CNTLN: variants seen among roughly 807,000 people sequenced by gnomAD.
CNTLN encodes centlein, also known as centlein, centrosomal protein.
Under a neutral mutation model 180.0 loss-of-function variants are expected in CNTLN, and 212 were observed. The ratio of observed to expected loss-of-function variants is 1.18; its 90% CI spans 1.05 to 1.32. CNTLN has a LOEUF of 1.32. CNTLN is among the 40% of genes most tolerant of loss of function. The pLI is 0.00. For synonymous variants in CNTLN, 722 were observed against 563.1 expected, an observed-to-expected ratio of 1.28 and a Z score of -3.99; for missense variants, 2,095 against 1,610.9, an observed-to-expected ratio of 1.30 and a Z score of -5.14.
At chr9:17,319,542 TA>T (rs1174894295) in intron 8 of CNTLN, among the ~76,000 whole-genome samples, 2 of 152,178 alleles carry the variant, frequency 1.3e-5, no homozygotes, top group Non-Finnish European at 2.9e-5. Context: ...GAGTAATGGA[TA>T]AAAACATAGA....
intron 6 of CNTLN, among the ~76,000 whole-genome samples, chr9:17,290,594 G>A (rs1326037721): frequency 2.1e-5 from 3 of 141,016 alleles, no homozygotes; most frequent in African/African-American, 7.7e-5. Flanking sequence ...AATGGCGGGC[G>A]CCCCTCCCCC....
chr9:17,287,421 C>G (rs368412977), intron 6 of CNTLN, among the ~76,000 whole-genome samples: 15 of 151,182 alleles, frequency 9.9e-5, no homozygotes, highest in South Asian at 6.3e-4. Context: ...GTATTTTATT[C>G]AGGATTTTTG....
intron 12 of CNTLN, among the ~76,000 whole-genome samples, chr9:17,357,820 T>C (rs1407967562): frequency 6.6e-6 from 1 of 151,552 alleles, no homozygotes; most frequent in African/African-American, 2.4e-5. Context: ...AACATCTGAA[T>C]TGAATGCTAA....
intron 2 of CNTLN, among the ~76,000 whole-genome samples, chr9:17,210,759 A>G (rs1045711249): frequency 2.0e-5 from 3 of 152,174 alleles, no homozygotes; most frequent in Non-Finnish European, 2.9e-5. Context: ...AACTGGTGTG[A>G]GATGGTATCT....
intron 10 of CNTLN, among the ~76,000 whole-genome samples, chr9:17,338,208 G>A (rs1821189076): frequency 6.8e-6 from 1 of 146,942 alleles, no homozygotes; most frequent in African/African-American, 2.5e-5. Flanking sequence ...CGCCCAAGCT[G>A]TAGTACAGTG....
chr9:17,402,024 T>C (rs1827017750), intron 15 of CNTLN, among the ~76,000 whole-genome samples: 1 of 151,722 alleles, frequency 6.6e-6, no homozygotes, highest in African/African-American at 2.4e-5. Context: ...CTTGAGGAGA[T>C]GACTCAGTGA....
chr9:17,182,975 C>G (rs1821215044), intron 2 of CNTLN, among the ~76,000 whole-genome samples: 3 of 152,150 alleles, frequency 2.0e-5, no homozygotes, highest in Non-Finnish European at 4.4e-5. Context: ...TGAAACAGGT[C>G]ATTAGTTGTT....
intron 2 of CNTLN, among the ~76,000 whole-genome samples, chr9:17,199,871 T>A (rs1032761727): frequency 6.6e-6 from 1 of 152,220 alleles, no homozygotes; most frequent in East Asian, 1.9e-4. Context: ...TTTTGACTTT[T>A]GTTGCAATTG....
chr9:17,305,283 T>C (rs1011578878), intron 7 of CNTLN, among the ~76,000 whole-genome samples: 2 of 152,144 alleles, frequency 1.3e-5, no homozygotes, highest in East Asian at 3.9e-4. Context: ...TGATTGATAC[T>C]TCTAAAGCAT....
chr9:17,270,766 A>G (rs1827876177), intron 5 of CNTLN, among the ~76,000 whole-genome samples: 1 of 152,034 alleles, frequency 6.6e-6, no homozygotes, highest in Non-Finnish European at 1.5e-5. Flanking sequence ...ATGTGTTGAT[A>G]TTTGTAACAT....
intron 10 of CNTLN, among the ~76,000 whole-genome samples, chr9:17,338,337 G>GTTTTTTTTTTTTTT (rs71331486): frequency 1.1e-4 from 11 of 100,434 alleles, no homozygotes; most frequent in East Asian, 3.3e-4. Context: ...GCTAATTTTT[G>GTTTTTTTTTTTTTT]TTTTTTTTTT....
intron 5 of CNTLN, among the ~76,000 whole-genome samples, chr9:17,259,356 G>T (rs1441978677): frequency 7.6e-6 from 1 of 130,972 alleles, no homozygotes; most frequent in African/African-American, 3.0e-5. Context: ...GCTTTTTGAT[G>T]TGCTGCTGGA....
At chr9:17,293,601 G>C (rs79901955) in intron 6 of CNTLN, among the ~76,000 whole-genome samples, 5,588 of 152,270 alleles carry the variant, frequency 0.037, 167 homozygotes, top group East Asian at 0.17. Context: ...AATTCCATCT[G>C]GGTCCAAACC....
intron 12 of CNTLN, among the ~76,000 whole-genome samples, chr9:17,357,273 T>TC (rs397750534): frequency 6.6e-6 from 1 of 151,838 alleles, no homozygotes; most frequent in African/African-American, 2.4e-5. Context: ...TTGGGTTTTT[T>TC]CCATGTTCCA....
rs544093694 is a variant in CNTLN, at chr9:17,268,069, G to A, written c.850-5664G>A. ...GTCATTCTCCATCCAGCTTTGTTCC[G>A]TTGCTGGTGAGGAGCTCTGTCCTTT... On this transcript the variant is annotated intron_variant, in intron 5 of 25. Coordinates refer to ENST00000380647, the MANE Select transcript of CNTLN (RefSeq NM_017738.4). Among the ~76,000 whole-genome samples, 14 of 152,162 alleles carry A rather than the reference G, an allele frequency of 9.2e-5. No individual in the cohort carries two copies. The East Asian group carries it at 9.7e-4, about 11-fold the overall frequency.
intron 23 of CNTLN, among the ~76,000 whole-genome samples, chr9:17,477,247 G>A (rs984147796): frequency 2.0e-5 from 3 of 152,184 alleles, no homozygotes; most frequent in African/African-American, 7.2e-5. Context: ...TCACCCAAGA[G>A]CTTTGATGGA....
chr9:17,191,571 G>T (rs1821788928), intron 2 of CNTLN, among the ~76,000 whole-genome samples: 1 of 152,088 alleles, frequency 6.6e-6, no homozygotes, highest in Non-Finnish European at 1.5e-5. Flanking sequence ...TCTGTATTTT[G>T]GAATAGAGAA....
rs1024183094 is a variant in CNTLN, at chr9:17,146,244, G to T, written c.449+2868G>T. Among the ~76,000 whole-genome samples the T allele has an allele frequency of 2.1e-4, 32 of 152,200 alleles. 1 individual carries two copies. The highest frequency in any genetic ancestry group is 5.5e-4 in the African/African-American group (23 of 41,528). On this transcript the variant is annotated intron_variant, in intron 2 of 25. Transcript: ENST00000380647. ...ATTGTATTCTTTGTTTTAGCACTCT[G>T]TTAGAGGTTGGATCTTATGGATTTG...
Position 17,466,075 on chromosome 9 carries a change from A to G in CNTLN, c.3626A>G (p.Tyr1209Cys). ...GTTGCTGTAAAAGAAAAGTCACAGT[A>G]TGAACAGATGTATCAGAAATCTAAA... ...LNVAVKEKSQYEQMYQKSKEE... is the reference protein window; with the variant it reads ...LNVAVKEKSQCEQMYQKSKEE... Residue 1209 changes from tyrosine to cysteine, a missense_variant, in exon 22 of 26, where the codon TAT (tyrosine) becomes TGT (cysteine). Transcript: ENST00000380647. The G allele has an allele frequency of 1.2e-6, 2 of 1,605,926 alleles. No homozygotes were observed. The highest frequency in any genetic ancestry group is 8.5e-7 in the Non-Finnish European group (1 of 1,174,856).
Sources: allele counts gnomAD v4.1 joint callset (sites outside exome capture counted in the v4.1 genomes callset), GRCh38; gene constraint gnomAD v4.1.1; transcripts MANE v1.5; gene names NCBI Gene and HGNC (gene_info 2026-07-23, HGNC 2026-07-21).